RASA1: variants seen among roughly 807,000 people sequenced by gnomAD.
RASA1 encodes ras GTPase-activating protein 1.
In RASA1, 25 loss-of-function variants were observed where a neutral mutation model predicts 132.2. The observed-to-expected ratio is 0.19, with a 90% CI of 0.14 to 0.26. The LOEUF (loss-of-function observed/expected upper bound fraction) is 0.26, where lower values mean the gene tolerates loss of function less well. RASA1 is among the 10% of genes least tolerant of loss of function. The probability of loss-of-function intolerance (pLI) is 1.00; values close to 1 mark genes in which losing one functional copy is unlikely to be tolerated. For missense variants in RASA1, 964 were observed against 1,299.2 expected (o/e 0.74, Z 3.97); for synonymous variants, 477 against 449.9 (o/e 1.06, Z -0.76).
intron 1 of RASA1, among the ~76,000 whole-genome samples, chr5:87,289,670 G>A (rs1467656371): frequency 1.3e-5 from 2 of 152,070 alleles, no homozygotes; most frequent in Non-Finnish European, 2.9e-5. Flanking sequence ...GAGTGCAGTG[G>A]TGTAATCACT....
chr5:87,350,987 T>G (rs1159328140), intron 8 of RASA1, among the ~76,000 whole-genome samples: 1 of 151,718 alleles, frequency 6.6e-6, no homozygotes, highest in Admixed American at 6.6e-5. Flanking sequence ...GATAAATCTT[T>G]GTGCTTATTG....
At chr5:87,370,806 A>G (rs151114754) in intron 12 of RASA1, among the ~76,000 whole-genome samples, 1 of 152,278 alleles carries the variant, frequency 6.6e-6, no homozygotes, top group East Asian at 1.9e-4. Context: ...TTGGAAATAT[A>G]ATTTGCCAAC....
chr5:87,342,520 C>T (rs947920071), intron 6 of RASA1, among the ~76,000 whole-genome samples: 6 of 152,082 alleles, frequency 3.9e-5, no homozygotes, highest in African/African-American at 1.4e-4. Flanking sequence ...GCAAGTGAAG[C>T]GGGTCAAGTA....
In RASA1 at chr5:87,389,467, G is replaced by A; in HGVS notation, c.3000G>A (p.Glu1000=). The A allele has an allele frequency of 1.2e-6, 2 of 1,614,192 alleles. No homozygotes were observed. The highest frequency in any genetic ancestry group is 1.7e-6 in the Non-Finnish European group (2 of 1,180,000). ...CCCGTGATTTAGCAGCATTGCATGA[G>A]ATTTGCGTGGCTCATTCAGATGAAC... The part of the protein sequence containing the change: ...DLSRDLAALH[E]ICVAHSDELR... The change falls in exon 24 of 25, where the codon GAG becomes GAA. Residue 1000 remains glutamate, a synonymous_variant. Coordinates refer to ENST00000274376, the MANE Select transcript of RASA1 (RefSeq NM_002890.3).
chr5:87,380,451 TAGG>T (rs1761630653), intron 19 of RASA1, 55 bp from the exon 20 acceptor site: 6 of 1,438,262 alleles, frequency 4.2e-6, no homozygotes, highest in South Asian at 2.3e-5. Flanking sequence ...TTTTGGCTGC[TAGG>T]AGATCAGTGT....
chr5:87,282,996 G>A (rs898640625), intron 1 of RASA1, among the ~76,000 whole-genome samples: 2 of 151,978 alleles, frequency 1.3e-5, no homozygotes, highest in African/African-American at 2.4e-5. Flanking sequence ...AAACACAATC[G>A]TAGCAATTTA....
chr5:87,300,468 C>T (rs1166882376), intron 1 of RASA1, among the ~76,000 whole-genome samples: 4 of 151,928 alleles, frequency 2.6e-5, no homozygotes, highest in South Asian at 2.1e-4. Context: ...AATTTGAGAC[C>T]GCCCTTAACA....
At chr5:87,277,337 G>A (rs1050047982) in intron 1 of RASA1, among the ~76,000 whole-genome samples, 1 of 152,166 alleles carries the variant, frequency 6.6e-6, no homozygotes, top group Non-Finnish European at 1.5e-5. Context: ...ATAGGTTGAA[G>A]CCTTAACCAC....
At chr5:87,336,347 A>T (rs1757969399) in intron 4 of RASA1, among the ~76,000 whole-genome samples, 1 of 152,110 alleles carries the variant, frequency 6.6e-6, no homozygotes, top group African/African-American at 2.4e-5. Flanking sequence ...TTAAGAGTGT[A>T]AAGAGGTCCT....
chr5:87,353,247 A>T lies in RASA1; in HGVS notation c.1332+12A>T. ...CTGTACCAATGCAGGTCAGTGTTGCATTTCTTATTGCAATAATTAGCATTT... is the reference window on the plus strand; with the variant it reads ...CTGTACCAATGCAGGTCAGTGTTGCTTTTCTTATTGCAATAATTAGCATTT... On this transcript the variant is annotated intron_variant, in intron 9 of 24. Transcript: ENST00000274376. 6.3e-7 allele frequency: 1 copy of T among 1,581,666 alleles called. No individual in the cohort carries two copies. Among genetic ancestry groups the T allele is most frequent in the Non-Finnish European group, 8.7e-7 (1 of 1,151,282 alleles).
chr5:87,344,678 ATTTT>A (rs113174684), intron 6 of RASA1, among the ~76,000 whole-genome samples: 4 of 131,208 alleles, frequency 3.0e-5, no homozygotes, highest in Admixed American at 7.7e-5. Flanking sequence ...AAATGTTGTA[ATTTT>A]TTTTTTTTTT....
At chr5:87,337,358 A>C (rs2112384559) in intron 4 of RASA1, among the ~76,000 whole-genome samples, 1 of 152,178 alleles carries the variant, frequency 6.6e-6, no homozygotes. Flanking sequence ...CTCATAATAT[A>C]TCCCTTGGTA....
At position 87,390,849 on chromosome 5, in the gene RASA1, A is replaced by C; in HGVS notation, c.3110A>C (p.Gln1037Pro). The C allele has an allele frequency of 6.2e-7, 1 of 1,613,716 alleles. No individual in the cohort carries two copies. Among genetic ancestry groups the C allele is most frequent in the South Asian group, 1.1e-5 (1 of 91,084 alleles). ...ATAACAGAACTGCTTCAACAAAAAC[A>C]AAACCAGTATACAAAAACCAATGAT... ...LAITELLQQKQNQYTKTNDVR is the reference protein window; with the variant it reads ...LAITELLQQKPNQYTKTNDVR The change falls in exon 25 of 25, where the codon CAA (glutamine) becomes CCA (proline). Residue 1037 changes from glutamine (Q) to proline (P), a missense_variant. Coordinates refer to ENST00000274376, the MANE Select transcript of RASA1 (RefSeq NM_002890.3).
intron 1 of RASA1, chr5:87,294,088 T>C (rs1363428901): frequency 6.6e-6 from 1 of 152,210 alleles, no homozygotes; most frequent in Admixed American, 6.5e-5. Context: ...CTGTAATTTC[T>C]ATATTTCTCT....
intron 2 of RASA1, 142 bp from the exon 3 acceptor site, chr5:87,332,357 GAAGATACT>G: frequency 1.2e-5 from 9 of 747,522 alleles, no homozygotes; most frequent in Non-Finnish European, 1.9e-5. Flanking sequence ...TTACTGTGAT[GAAGATACT>G]AATAAGTGGT....
intron 1 of RASA1, among the ~76,000 whole-genome samples, chr5:87,330,737 A>G (rs942868185): frequency 2.6e-5 from 4 of 152,190 alleles, no homozygotes; most frequent in Non-Finnish European, 5.9e-5. Context: ...ATTCTCCCAC[A>G]TGTTTGTTAC....
At position 87,377,030 on chromosome 5, in the gene RASA1, A is replaced by G; in HGVS notation, c.2334A>G (p.Ile778Met). The G allele has an allele frequency of 6.2e-7, 1 of 1,613,744 alleles. No individual in the cohort carries two copies. Among genetic ancestry groups the G allele is most frequent in the Non-Finnish European group, 8.5e-7 (1 of 1,179,714 alleles). ...TATGCACACTAAATGACAGAGAAAT[A>G]AGCATGGAAGGTATGGTATGGCCAT... is the stretch of plus-strand genomic sequence containing the variant. ...LLLCTLNDREISMEDEATTLF... is the reference protein window; with the variant it reads ...LLLCTLNDREMSMEDEATTLF... Residue 778 changes from isoleucine to methionine, a missense_variant, in exon 17 of 25, where the codon ATA (isoleucine) becomes ATG (methionine). Physicochemically the swap from Ile to Met is conservative, Grantham distance 10. Transcript: ENST00000274376.
In RASA1 at chr5:87,268,725, G is replaced by T; in HGVS notation, c.274G>T (p.Ala92Ser). Residue 92 changes from alanine (A) to serine (S), a missense_variant, in exon 1 of 25, where the codon GCT (alanine) becomes TCT (serine). Ala to Ser is a moderately conservative substitution (Grantham distance 99). Coordinates refer to ENST00000274376, the MANE Select transcript of RASA1 (RefSeq NM_002890.3). The part of the protein sequence containing the change: ...GGAGLTGGGT[A>S]AGVAGAAAGV... ...AGCTGGACTGACAGGGGGAGGTACT[G>T]CTGCTGGCGTAGCTGGTGCTGCTGC... 6.2e-7 allele frequency: 1 copy of T among 1,612,746 alleles called. No homozygotes were observed. Among genetic ancestry groups the T allele is most frequent in the Non-Finnish European group, 8.5e-7 (1 of 1,179,414 alleles).
At chr5:87,309,076 C>T (rs924406890) in intron 1 of RASA1, among the ~76,000 whole-genome samples, 20 of 152,088 alleles carry the variant, frequency 1.3e-4, no homozygotes, top group Non-Finnish European at 1.5e-4. Context: ...CCCTTTCTGC[C>T]ACTGGCTCTC....
Sources: gnomAD v4.1 joint callset for allele counts (sites outside exome capture counted in the v4.1 genomes callset) on GRCh38, gnomAD v4.1.1 for gene constraint, MANE v1.5 for transcripts, NCBI Gene and HGNC (gene_info 2026-07-23, HGNC 2026-07-21) for gene names.